PLCG2: variants seen among roughly 807,000 people sequenced by gnomAD.
The protein encoded by PLCG2 is 1-phosphatidylinositol 4,5-bisphosphate phosphodiesterase gamma-2.
Under a neutral mutation model 175.6 loss-of-function variants are expected in PLCG2, and 69 were observed. The ratio of observed to expected loss-of-function variants is 0.39; its 90% confidence interval spans 0.32 to 0.48. The LOEUF (loss-of-function observed/expected upper bound fraction) is 0.48. Ranked by LOEUF, PLCG2 falls within the 20% of genes least tolerant of loss-of-function variation. The pLI is 0.91. For synonymous variants in PLCG2, 827 were observed against 624.0 expected, an observed-to-expected ratio of 1.33 and a Z score of -4.85; for missense variants, 1,798 against 1,650.9, an observed-to-expected ratio of 1.09 and a Z score of -1.54.
intron 26 of PLCG2, chr16:81,935,417 G>T: frequency 2.4e-6 from 1 of 421,406 alleles, no homozygotes; most frequent in Non-Finnish European, 3.2e-6. Context: ...GACATCTTTG[G>T]GGGCCATTTA....
At chr16:81,953,684 G>A (rs372459195) in intron 31 of PLCG2, among the ~76,000 whole-genome samples, 1 of 152,154 alleles carries the variant, frequency 6.6e-6, no homozygotes, top group Non-Finnish European at 1.5e-5. Context: ...TAGAGTGGTG[G>A]TTCCTCAAGT....
At chr16:81,910,831 C>G in intron 18 of PLCG2, 111 bp downstream of exon 18, 1 of 984,672 alleles carries the variant, frequency 1.0e-6, no homozygotes, top group Non-Finnish European at 1.6e-6. Flanking sequence ...CACCCTCTCC[C>G]CAGCCCACCG....
chr16:81,854,484 C>A lies in PLCG2; in HGVS notation c.234C>A (p.Asn78Lys). ...TAAAAGAAATCCGCCCAGGGAAGAA[C>A]TCCAAAGATTTCGAGCGAGCAAAAG... Reference protein sequence around the residue: ...MEIKEIRPGKNSKDFERAKAV... With the variant: ...MEIKEIRPGKKSKDFERAKAV... The change falls in exon 3 of 33, where the codon AAC becomes AAA. Residue 78 changes from asparagine to lysine, a missense_variant. Physicochemically the swap from Asn to Lys is moderately conservative, Grantham distance 94 (BLOSUM62 0). Coordinates refer to ENST00000564138, the MANE Select transcript of PLCG2 (RefSeq NM_002661.5). The A allele has an allele frequency of 6.2e-7, 1 of 1,614,034 alleles. No homozygotes were observed. The highest frequency in any genetic ancestry group is 8.5e-7 in the Non-Finnish European group (1 of 1,179,868).
At chr16:81,834,500 A>G (rs1905412606) in intron 2 of PLCG2, among the ~76,000 whole-genome samples, 1 of 151,294 alleles carries the variant, frequency 6.6e-6, no homozygotes, top group South Asian at 2.1e-4. Context: ...GGAGTTGATG[A>G]TAATGGTAGT....
At chr16:81,790,490 C>G (rs751673194) in intron 2 of PLCG2, among the ~76,000 whole-genome samples, 2 of 152,170 alleles carry the variant, frequency 1.3e-5, no homozygotes, top group African/African-American at 4.8e-5. Context: ...AGTGTCACCG[C>G]TCAGTCTCCT....
chr16:81,944,656 G>A (rs1200844805), intron 30 of PLCG2, among the ~76,000 whole-genome samples: 1 of 152,066 alleles, frequency 6.6e-6, no homozygotes, highest in East Asian at 1.9e-4. Context: ...TTTATTTCTT[G>A]TAGAGATGGG....
Position 81,786,021 on chromosome 16 carries a change from C to G in PLCG2, c.32C>G (p.Ala11Gly). Residue 11 changes from alanine (A) to glycine (G), a missense_variant, in exon 2 of 33, where the codon GCG becomes GGG. Ala to Gly is a moderately conservative substitution (Grantham distance 60). Coordinates refer to ENST00000564138, the MANE Select transcript of PLCG2 (RefSeq NM_002661.5). MSTTVNVDSL[A>G]EYEKSQIKRA... ...ACCACGGTCAATGTAGATTCCCTTG[C>G]GGAATATGAGAAGAGCCAGATCAAG... 1.2e-6 allele frequency: 2 copies of G among 1,614,132 alleles called. No homozygotes were observed. Among genetic ancestry groups the G allele is most frequent in the Non-Finnish European group, 1.7e-6 (2 of 1,179,994 alleles).
intron 13 of PLCG2, among the ~76,000 whole-genome samples, chr16:81,899,980 A>T (rs932423603): frequency 6.6e-6 from 1 of 152,212 alleles, no homozygotes; most frequent in Non-Finnish European, 1.5e-5. Flanking sequence ...GTTGGTGGTG[A>T]CTTTATGAAC....
chr16:81,840,727 C>T (rs925512508), intron 2 of PLCG2, among the ~76,000 whole-genome samples: 12 of 152,144 alleles, frequency 7.9e-5, no homozygotes, highest in Non-Finnish European at 8.8e-5. Context: ...TCCTGCTGTG[C>T]GGCTCGATTC....
chr16:81,747,481 G>A (rs1247443591), intron 1 of PLCG2, among the ~76,000 whole-genome samples: 1 of 152,134 alleles, frequency 6.6e-6, no homozygotes, highest in East Asian at 1.9e-4. Context: ...GTTGCAGTGA[G>A]GTGAGATTGT....
At chr16:81,892,395 T>A (rs73596833) in intron 11 of PLCG2, among the ~76,000 whole-genome samples, 1,657 of 152,240 alleles carry the variant, frequency 0.011, 28 homozygotes, top group African/African-American at 0.037. Flanking sequence ...GTCTGTCTTA[T>A]TGGGTGAGGG....
intron 15 of PLCG2, 116 bp downstream of exon 15, chr16:81,905,623 A>G (rs956262389): frequency 4.4e-6 from 3 of 674,630 alleles, no homozygotes; most frequent in Admixed American, 5.1e-5. Context: ...TAGTCAAGTG[A>G]GTTTTTGCCA....
Position 81,936,384 on chromosome 16 carries a change from G to C in PLCG2, c.3052+6G>C, listed in dbSNP as rs748210655. On this transcript the variant is annotated splice_donor_region_variant and intron_variant, in intron 27 of 32. Transcript: ENST00000564138. ...ACTCAATTTCCAGACGGCAGGTAAA[G>C]GCCGACTGAAGGTAGTCCCGTCCCT... 2.5e-6 allele frequency: 4 copies of C among 1,612,222 alleles called. No individual in the cohort carries two copies. Among genetic ancestry groups the C allele is most frequent in the Non-Finnish European group, 3.4e-6 (4 of 1,179,172 alleles).
rs571623969 is a variant in PLCG2, at chr16:81,744,089, A to T, written c.-145+4704A>T. ...TGGCCAGGATGGTCTCAAACTCCTG[A>T]CCTCGTAATCCACCCGCCTCGGCCT... On this transcript the variant is annotated intron_variant, in intron 1 of 5. Transcript: ENST00000565054. 2.0e-5 allele frequency among the ~76,000 whole-genome samples: 3 copies of T among 149,654 alleles called. No individual in the cohort carries two copies. In the South Asian group the frequency reaches 6.3e-4, roughly 32 times the overall value.
In PLCG2 at chr16:81,753,522, G is replaced by A. The variant is rs191263199; in HGVS notation, c.-144-2348G>A. ...ATGCCTCCACCTCCCAGGTTCAAGC[G>A]ATTCTCCTGTATCAGCCTCATTAGT... On this transcript the variant is annotated intron_variant, in intron 1 of 5. Coordinates refer to the PLCG2 transcript ENST00000565054. 1.3e-3 allele frequency among the ~76,000 whole-genome samples: 200 copies of A among 151,706 alleles called. 2 individuals are homozygous for A. Among genetic ancestry groups the A allele is most frequent in the Admixed American group, 3.7e-3 (57 of 15,214 alleles).
chr16:81,924,437 T>A (rs577953783), intron 22 of PLCG2, among the ~76,000 whole-genome samples: 1 of 152,212 alleles, frequency 6.6e-6, no homozygotes, highest in African/African-American at 2.4e-5. Context: ...AATAACTGAG[T>A]CTACATGATG....
intron 10 of PLCG2, among the ~76,000 whole-genome samples, chr16:81,891,095 G>A (rs1434730589): frequency 6.6e-6 from 1 of 152,130 alleles, no homozygotes; most frequent in African/African-American, 2.4e-5. Flanking sequence ...CCCAGGAGGT[G>A]GAGGTTGCAG....
chr16:81,885,567 C>T (rs1161933501), intron 9 of PLCG2, among the ~76,000 whole-genome samples: 2 of 152,234 alleles, frequency 1.3e-5, no homozygotes, highest in Non-Finnish European at 2.9e-5. Context: ...AAGCAAACCC[C>T]AGACTTTGCG....
chr16:81,753,073 C>T (rs531703308), intron 1 of PLCG2, among the ~76,000 whole-genome samples: 1 of 152,328 alleles, frequency 6.6e-6, no homozygotes, highest in Admixed American at 6.5e-5. Flanking sequence ...TCTGAGCTGT[C>T]CAGGGTGCCC....
Sources: allele counts gnomAD v4.1 joint callset (sites outside exome capture counted in the v4.1 genomes callset), GRCh38; gene constraint gnomAD v4.1.1; transcripts MANE v1.5; gene names NCBI Gene and HGNC (gene_info 2026-07-23, HGNC 2026-07-21).